LYZL4: variants seen among roughly 807,000 people sequenced by gnomAD.
LYZL4 encodes the protein lysozyme like 4.
In LYZL4, 13 loss-of-function variants were observed where a neutral mutation model predicts 17.6. The observed-to-expected ratio is 0.74, with a 90% CI of 0.48 to 1.18. The LOEUF (loss-of-function observed/expected upper bound fraction) is 1.18. Ranked by LOEUF, LYZL4 falls within the 50% of genes most tolerant of loss-of-function variation. The pLI is 0.00. For missense variants in LYZL4, 174 were observed against 188.2 expected, an observed-to-expected ratio of 0.92 and a Z score of 0.44; for synonymous variants, 64 against 67.7, an observed-to-expected ratio of 0.95 and a Z score of 0.27.
the LYZL4 span, among the ~76,000 whole-genome samples, chr3:42,373,401 A>G: frequency 3.9e-5 from 6 of 151,990 alleles, no homozygotes; most frequent in African/African-American, 1.5e-4. Flanking sequence ...CTTTCTCTCT[A>G]TTGGGATGAC....
intron 4 of LYZL4, among the ~76,000 whole-genome samples, chr3:42,400,386 G>A (rs1698634001): frequency 6.6e-6 from 1 of 152,142 alleles, no homozygotes; most frequent in Admixed American, 6.5e-5. Flanking sequence ...ACAGATCCAG[G>A]ATTGATCATA....
chr3:42,393,718 C>T (rs955535434), downstream of LYZL4, among the ~76,000 whole-genome samples: 2 of 152,214 alleles, frequency 1.3e-5, no homozygotes, highest in African/African-American at 2.4e-5. Flanking sequence ...CCCTGGACCA[C>T]ATCTCTGGAA....
chr3:42,382,430 C>T, the LYZL4 span, among the ~76,000 whole-genome samples: 4 of 151,930 alleles, frequency 2.6e-5, no homozygotes, highest in African/African-American at 9.7e-5. Flanking sequence ...GAGTATATGT[C>T]ATATTAATAT....
At chr3:42,396,372 G>A (rs984870773), downstream of LYZL4, among the ~76,000 whole-genome samples, 6 of 152,218 alleles carry the variant, frequency 3.9e-5, no homozygotes, top group African/African-American at 1.4e-4. Flanking sequence ...TCAGGCAGGT[G>A]TGTCCAGGAA....
At chr3:42,366,603 C>G in the LYZL4 span, among the ~76,000 whole-genome samples, 2 of 152,214 alleles carry the variant, frequency 1.3e-5, no homozygotes, top group African/African-American at 4.8e-5. Context: ...ACCAAACGAT[C>G]CCCTCCTTTC....
chr3:42,400,849 C>T (rs1292951387), intron 4 of LYZL4, among the ~76,000 whole-genome samples: 1 of 152,058 alleles, frequency 6.6e-6, no homozygotes, highest in Non-Finnish European at 1.5e-5. Flanking sequence ...TGTAGGCCTG[C>T]CATCATAAAC....
At chr3:42,406,308 G>T (rs1348748450) in intron 3 of LYZL4, among the ~76,000 whole-genome samples, 1 of 152,068 alleles carries the variant, frequency 6.6e-6, no homozygotes, top group Non-Finnish European at 1.5e-5. Flanking sequence ...AAAAAATTTA[G>T]CCAGGCATAG....
intron 3 of LYZL4, 113 bp downstream of exon 3, chr3:42,406,733 G>C (rs759976843): frequency 7.2e-4 from 982 of 1,356,980 alleles, no homozygotes; most frequent in Non-Finnish European, 8.9e-4. Context: ...TATGGCTCCT[G>C]CCACACCCTC....
At position 42,407,285 on chromosome 3, in the gene LYZL4, T is replaced by C; in HGVS notation, c.-34A>G. On this transcript the variant is annotated 5_prime_UTR_variant, in exon 2 of 5. Transcript: ENST00000287748. The stretch of plus-strand genomic sequence containing the variant: ...GGCTCCTGGCAGGTCAGGGCAACGG[T>C]GGCCAGATGAGTGGGTGGAGTCACA... 6.2e-7 allele frequency: 1 copy of C among 1,612,810 alleles called. No individual in the cohort carries two copies. The highest frequency in any genetic ancestry group is 8.5e-7 in the Non-Finnish European group (1 of 1,179,722).
the LYZL4 span, among the ~76,000 whole-genome samples, chr3:42,375,426 A>C: frequency 6.6e-6 from 1 of 152,232 alleles, no homozygotes; most frequent in South Asian, 2.1e-4. Context: ...TGCCCAGTAC[A>C]CTGGGAGCCA....
chr3:42,389,996 G>T, the LYZL4 span, among the ~76,000 whole-genome samples: 1 of 152,144 alleles, frequency 6.6e-6, no homozygotes, highest in Non-Finnish European at 1.5e-5. Flanking sequence ...GAACATAATG[G>T]GGAGGGAAAT....
chr3:42,370,835 G>A, the LYZL4 span, among the ~76,000 whole-genome samples: 3 of 152,254 alleles, frequency 2.0e-5, no homozygotes, highest in Admixed American at 2.0e-4. Flanking sequence ...GGTAGAGTTC[G>A]TCTACTAAAT....
At chr3:42,371,143 C>T in the LYZL4 span, among the ~76,000 whole-genome samples, 1 of 152,210 alleles carries the variant, frequency 6.6e-6, no homozygotes, top group African/African-American at 2.4e-5. Context: ...CCCATCTCCC[C>T]TCTGTAATAC....
At chr3:42,380,082 T>C in the LYZL4 span, among the ~76,000 whole-genome samples, 1 of 152,222 alleles carries the variant, frequency 6.6e-6, no homozygotes, top group Non-Finnish European at 1.5e-5. Flanking sequence ...ACACCACCTC[T>C]TGGACTTTCA....
At chr3:42,360,779 A>AT in the LYZL4 span, among the ~76,000 whole-genome samples, 21 of 149,468 alleles carry the variant, frequency 1.4e-4, no homozygotes, top group South Asian at 8.4e-4. Flanking sequence ...ATTTATATGC[A>AT]GTTTTTTTTT....
At chr3:42,382,052 G>A in the LYZL4 span, among the ~76,000 whole-genome samples, 5 of 152,254 alleles carry the variant, frequency 3.3e-5, no homozygotes, top group African/African-American at 9.6e-5. Context: ...CAATTCTAGA[G>A]AGGAGAAGAA....
intron 4 of LYZL4, among the ~76,000 whole-genome samples, chr3:42,399,633 A>G (rs962758069): frequency 1.3e-5 from 2 of 152,080 alleles, no homozygotes; most frequent in Non-Finnish European, 2.9e-5. Flanking sequence ...CTGTGGGTAC[A>G]TTTTTCTCTG....
At chr3:42,362,624 A>T in the LYZL4 span, among the ~76,000 whole-genome samples, 1 of 152,118 alleles carries the variant, frequency 6.6e-6, no homozygotes, top group African/African-American at 2.4e-5. Flanking sequence ...CCTCTTTTAT[A>T]AGGGCACTAA....
the LYZL4 span, among the ~76,000 whole-genome samples, chr3:42,362,609 T>C: frequency 6.6e-6 from 1 of 152,206 alleles, no homozygotes; most frequent in African/African-American, 2.4e-5. Context: ...GTCAGCTCTC[T>C]GGGGCCTCTT....
Sources: allele counts gnomAD v4.1 joint callset (sites outside exome capture counted in the v4.1 genomes callset), GRCh38; gene constraint gnomAD v4.1.1; transcripts MANE v1.5; gene names NCBI Gene and HGNC (gene_info 2026-07-23, HGNC 2026-07-21).